HNF1A: variants seen among roughly 807,000 people sequenced by gnomAD.
HNF1A encodes HNF1 homeobox A, also known as hepatocyte nuclear factor 1-alpha.
Under a neutral mutation model 62.2 loss-of-function variants are expected in HNF1A, and 21 were observed. The observed-to-expected ratio is 0.34, with a 90% confidence interval of 0.24 to 0.49. The LOEUF (loss-of-function observed/expected upper bound fraction) is 0.49, where lower values mean the gene tolerates loss of function less well. Ranked by LOEUF, HNF1A falls within the 20% of genes least tolerant of loss-of-function variation. The pLI, the probability that HNF1A is intolerant of heterozygous loss-of-function variation, is 0.99. For missense variants in HNF1A, 687 were observed against 832.3 expected (o/e 0.83, Z 2.15); for synonymous variants, 374 against 366.8 (o/e 1.02, Z -0.22).
At chr12:120,983,830 G>A (rs1397410588) in intron 1 of HNF1A, among the ~76,000 whole-genome samples, 2 of 152,104 alleles carry the variant, frequency 1.3e-5, no homozygotes, top group Non-Finnish European at 2.9e-5. Flanking sequence ...ACAGGCATGA[G>A]CCACCACGCC....
At chr12:120,999,887 A>G (rs1040403631) in intron 9 of HNF1A, among the ~76,000 whole-genome samples, 1 of 152,218 alleles carries the variant, frequency 6.6e-6, no homozygotes, top group African/African-American at 2.4e-5. Flanking sequence ...AGTAATTGTT[A>G]GAGGCAGTGG....
chr12:120,990,799 G>T (rs1336734459), intron 2 of HNF1A, among the ~76,000 whole-genome samples: 1 of 152,104 alleles, frequency 6.6e-6, no homozygotes, highest in African/African-American at 2.4e-5. Flanking sequence ...AAAATTAGAT[G>T]CCTTTACCCT....
At position 120,994,205 on chromosome 12, in the gene HNF1A, A is replaced by T. The variant is rs537628821; in HGVS notation, c.755A>T (p.Gln252Leu). ...AGAGGGGTGTCCCCATCACAGGCAC[A>T]GGGGCTGGGCTCCAACCTCGTCACG... ...IQRGVSPSQA[Q>L]GLGSNLVTEV... The change falls in exon 4 of 10, where the codon CAG (glutamine) becomes CTG (leucine). Residue 252 changes from glutamine to leucine, a missense_variant. Gln to Leu is a moderately radical substitution (Grantham distance 113, BLOSUM62 -2). This residue lies in a region of HNF1A where 47 missense variants were observed against 109.4 expected (regional missense o/e 0.43). Transcript: ENST00000257555. 1 of 1,613,550 alleles carries T rather than the reference A, an allele frequency of 6.2e-7. No individual in the cohort carries two copies. Among genetic ancestry groups the T allele is most frequent in the Admixed American group, 1.7e-5 (1 of 59,882 alleles).
intron 9 of HNF1A, 138 bp from the exon 10 acceptor site, chr12:121,000,927 T>G (rs1240358877): frequency 1.6e-6 from 2 of 1,231,728 alleles, no homozygotes. Context: ...GGTAGAGGTG[T>G]GACTTTGGGG....
rs200786773 is a variant in HNF1A, at chr12:120,996,222, G to T, written c.956-40G>T. The T allele has an allele frequency of 1.2e-6, 2 of 1,612,334 alleles. No individual in the cohort carries two copies. ...GGCTGTGGAGGCAGGGGAGGGCAGG[G>T]AAGTGGGGTGCTGAGGCAGGACACT... On this transcript the variant is annotated intron_variant, in intron 4 of 9. Coordinates refer to ENST00000257555, the MANE Select transcript of HNF1A (RefSeq NM_000545.8). This position sits in a 1 kb window ranked among gnomAD's most constrained non-coding sequence, Gnocchi z 4.5.
intron 4 of HNF1A, among the ~76,000 whole-genome samples, chr12:120,994,807 A>T (rs1239520089): frequency 2.0e-5 from 3 of 150,772 alleles, no homozygotes; most frequent in African/African-American, 7.3e-5. Context: ...TACCCCATCC[A>T]TCCACTCCAC....
chr12:121,002,203 A>G lies in HNF1A; in HGVS notation c.*1011A>G. The G allele has an allele frequency of 2.2e-6, 1 of 454,434 alleles. No individual in the cohort carries two copies. The highest frequency in any genetic ancestry group is 4.2e-6 in the Non-Finnish European group (1 of 238,372). The allele number at this position is 454,434 out of a possible 1,614,324, so 28.2% of individuals were successfully genotyped here. The stretch of plus-strand genomic sequence containing the variant: ...GAGGTGACCCCAGGGCACAGGAGCT[A>G]CCTGTGTGGACAGGACTAACACTCA... On this transcript the variant is annotated 3_prime_UTR_variant, in exon 10 of 10. Coordinates refer to ENST00000257555, the MANE Select transcript of HNF1A (RefSeq NM_000545.8).
At position 120,993,592 on chromosome 12, in the gene HNF1A, G is replaced by A. The variant is rs893256143; in HGVS notation, c.599G>A (p.Arg200Gln). The change falls in exon 3 of 10, where the codon CGG becomes CAG. Residue 200 changes from arginine to glutamine, a missense_variant. Coordinates refer to ENST00000257555, the MANE Select transcript of HNF1A (RefSeq NM_000545.8). ...GATGAGCTACCAACCAAGAAGGGGC[G>A]GAGGAACCGTTTCAAGTGGGGCCCA... Reference protein sequence around the residue: ...TGDELPTKKGRRNRFKWGPAS... With the variant: ...TGDELPTKKGQRNRFKWGPAS... The A allele has an allele frequency of 2.5e-6, 4 of 1,614,038 alleles. No individual in the cohort carries two copies. Among genetic ancestry groups the A allele is most frequent in the Admixed American group, 3.3e-5 (2 of 59,996 alleles).
At chr12:120,990,866 A>G (rs1169298) in intron 2 of HNF1A, among the ~76,000 whole-genome samples, 2,282 of 152,294 alleles carry the variant, frequency 0.015, 24 homozygotes, top group Non-Finnish European at 0.024. Context: ...GATTTTCTGC[A>G]TATAGTAGCA....
chr12:120,996,469 T>G lies in HNF1A; in HGVS notation c.1107+56T>G. On this transcript the variant is annotated intron_variant, in intron 5 of 9. Coordinates refer to ENST00000257555, the MANE Select transcript of HNF1A (RefSeq NM_000545.8). This position sits in a 1 kb window ranked among gnomAD's most constrained non-coding sequence, Gnocchi z 4.5. The stretch of plus-strand genomic sequence containing the variant: ...ACCTCATCTTTCCTTGGCAGGGAGA[T>G]TCTGGAGCAGTCCCTAGGGAGGCCC... The G allele has an allele frequency of 6.2e-7, 1 of 1,613,706 alleles. No individual in the cohort carries two copies.
chr12:120,985,545 G>A (rs1481884435), intron 1 of HNF1A, among the ~76,000 whole-genome samples: 1 of 151,094 alleles, frequency 6.6e-6, no homozygotes, highest in Non-Finnish European at 1.5e-5. Flanking sequence ...GTTGGCATGT[G>A]CCTGTGGTCC....
At chr12:120,993,780 T>G in intron 3 of HNF1A, 74 bp downstream of exon 3, 3 of 1,484,568 alleles carry the variant, frequency 2.0e-6, no homozygotes, top group Non-Finnish European at 2.8e-6. Context: ...AAGGTGACTC[T>G]AGGTCCTGTA....
rs1456573090 is a variant in HNF1A at position 121,002,051 on chromosome 12, T to G, written c.*859T>G. 1.9e-6 allele frequency: 1 copy of G among 536,706 alleles called. No homozygotes were observed. The highest frequency in any genetic ancestry group is 3.6e-6 in the Non-Finnish European group (1 of 276,710). 33.2% of individuals were successfully genotyped at this position (536,706 alleles called of 1,614,324 possible). ...CCAGGTCCTGGTGGGGCAGCTCCTC[T>G]GTCTCGAGCGCCCTGCAGACCCTGC... On this transcript the variant is annotated 3_prime_UTR_variant, in exon 10 of 10. Coordinates refer to ENST00000257555, the MANE Select transcript of HNF1A (RefSeq NM_000545.8).
rs2135855316 is a variant in HNF1A at position 121,001,333 on chromosome 12, T to G, written c.*141T>G. 1 of 1,059,304 alleles carries G rather than the reference T, an allele frequency of 9.4e-7. No individual in the cohort carries two copies. Among genetic ancestry groups the G allele is most frequent in the East Asian group, 2.6e-5 (1 of 38,492 alleles). 65.6% of individuals were successfully genotyped at this position (1,059,304 alleles called of 1,614,324 possible). ...CTGTGCCTCGCTCCCCACTCTGCTC[T>G]GATGCATCAGAAAGGGAGGGCTCTG... On this transcript the variant is annotated 3_prime_UTR_variant, in exon 10 of 10. Transcript: ENST00000257555.
Position 120,978,962 on chromosome 12 carries a change from G to A in HNF1A, c.194G>A (p.Gly65Glu), listed in dbSNP as rs2135819938. Residue 65 changes from glycine (G) to glutamate (E), a missense_variant, in exon 1 of 10, where the codon GGG (glycine) becomes GAG (glutamate). By Grantham distance (98) the Gly-to-Glu change is moderately conservative. Coordinates refer to ENST00000257555, the MANE Select transcript of HNF1A (RefSeq NM_000545.8). ...GELAELPNGL[G>E]ETRGSEDETD... Reference sequence around the variant, plus strand: ...CTGGCTGAGCTGCCCAATGGGCTGGGGGAGACTCGGGGCTCCGAGGACGAG... The same window carrying A: ...CTGGCTGAGCTGCCCAATGGGCTGGAGGAGACTCGGGGCTCCGAGGACGAG... The A allele has an allele frequency of 6.2e-7, 1 of 1,608,306 alleles. No individual in the cohort carries two copies. The highest frequency in any genetic ancestry group is 8.5e-7 in the Non-Finnish European group (1 of 1,177,488).
At chr12:120,983,307 A>C (rs1876344180) in intron 1 of HNF1A, among the ~76,000 whole-genome samples, 1 of 152,194 alleles carries the variant, frequency 6.6e-6, no homozygotes. Flanking sequence ...CTTACTGTGC[A>C]CCAGGCATTG....
In HNF1A at chr12:120,983,149, C is replaced by A. The variant is rs555952416; in HGVS notation, c.326+4055C>A. On this transcript the variant is annotated intron_variant, in intron 1 of 9. Transcript: ENST00000257555. Reference sequence around the variant, plus strand: ...GCAAGAGGCTCAAAGCCTTGGACATCCGATTGACCCTGGAAAGGGTAGGAG... The same window carrying A: ...GCAAGAGGCTCAAAGCCTTGGACATACGATTGACCCTGGAAAGGGTAGGAG... 2.0e-5 allele frequency among the ~76,000 whole-genome samples: 3 copies of A among 152,314 alleles called. 1 individual carries two copies. In the South Asian group the frequency reaches 6.2e-4, roughly 32 times the overall value.
rs186701916 is a variant in HNF1A at position 120,996,507 on chromosome 12, G to A, written c.1108-34G>A. On this transcript the variant is annotated intron_variant, in intron 5 of 9. Coordinates refer to ENST00000257555, the MANE Select transcript of HNF1A (RefSeq NM_000545.8). This position sits in a 1 kb window ranked among gnomAD's most constrained non-coding sequence, Gnocchi z 4.5. ...CCTAGGGAGGCCCTGTGGGGACCCC[G>A]GCCCCCCGGACACAGCTTGGCTTCC... 39 of 1,612,844 alleles carry A rather than the reference G, an allele frequency of 2.4e-5. No individual in the cohort carries two copies. The highest frequency in any genetic ancestry group is 1.6e-4 in the Middle Eastern group (1 of 6,062).
intron 1 of HNF1A, chr12:120,980,949 A>T (rs959993354): frequency 1.3e-5 from 2 of 152,028 alleles, no homozygotes; most frequent in Admixed American, 6.6e-5. Context: ...GCCTGCCCCG[A>T]TTGGGTTTTC....
Sources: allele counts gnomAD v4.1 joint callset (sites outside exome capture counted in the v4.1 genomes callset), GRCh38; gene constraint gnomAD v4.1.1; regional missense constraint gnomAD v4.1.1; non-coding constraint Gnocchi (gnomAD v3.1); transcripts MANE v1.5; gene names NCBI Gene and HGNC (gene_info 2026-07-23, HGNC 2026-07-21).